Variants in LYPD6B observed in about 807,000 individuals in gnomAD.
The protein encoded by LYPD6B is LY6/PLAUR domain containing 6B.
A neutral mutation model predicts 22.8 loss-of-function variants in LYPD6B; 17 were observed. That is an observed-to-expected ratio of 0.75 (90% CI 0.51 to 1.12). The LOEUF (loss-of-function observed/expected upper bound fraction) is 1.12. Among genes scored for constraint, LYPD6B ranks in the 50% most tolerant of loss-of-function variants. The pLI, the probability that LYPD6B is intolerant of heterozygous loss-of-function variation, is 0.00. For synonymous variants in LYPD6B, 106 were observed against 91.6 expected (o/e 1.16, Z -0.90); for missense variants, 221 against 258.3 (o/e 0.86, Z 0.99).
At chr2:149,065,176 T>C (rs1684265064) in intron 1 of LYPD6B, among the ~76,000 whole-genome samples, 1 of 152,194 alleles carries the variant, frequency 6.6e-6, no homozygotes, top group African/African-American at 2.4e-5. Context: ...GATACTGAAT[T>C]CATGGACTAC....
At chr2:149,065,066 G>C (rs1684258386) in intron 1 of LYPD6B, among the ~76,000 whole-genome samples, 1 of 152,182 alleles carries the variant, frequency 6.6e-6, no homozygotes, top group Non-Finnish European at 1.5e-5. Context: ...GGGAGTAAAA[G>C]GGCAGGGACT....
At position 149,210,684 on chromosome 2, in the gene LYPD6B, A is replaced by G. The variant is rs565811519; in HGVS notation, c.328+2272A>G. Reference sequence around the variant, plus strand: ...AAGAATGACATTTCTTGTTTTATTTACCCCGGCTTTTATGCTGACTTTTTA... The same window carrying G: ...AAGAATGACATTTCTTGTTTTATTTGCCCCGGCTTTTATGCTGACTTTTTA... On this transcript the variant is annotated intron_variant, in intron 5 of 6. Transcript: ENST00000409642. Among the ~76,000 whole-genome samples, 13 of 152,170 alleles carry G rather than the reference A, an allele frequency of 8.5e-5. No individual in the cohort carries two copies. The South Asian group carries it at 2.7e-3, about 32-fold the overall frequency.
intron 3 of LYPD6B, among the ~76,000 whole-genome samples, chr2:149,202,785 T>G (rs1043696232): frequency 2.0e-5 from 3 of 152,212 alleles, no homozygotes; most frequent in Non-Finnish European, 4.4e-5. Flanking sequence ...AACTTCTTAC[T>G]TGTGATACCA....
rs115685442 is a variant in LYPD6B at position 149,055,339 on chromosome 2, T to C, written c.-67+16538T>C. Among the ~76,000 whole-genome samples the C allele has an allele frequency of 3.2e-3, 491 of 152,346 alleles. 3 individuals carry two copies. The highest frequency in any genetic ancestry group is 0.011 in the African/African-American group (465 of 41,572). ...ATTGAGAAGTATAAGTCTTCCAGCT[T>C]TTTTCTTCTTGTTCGGTGTTATTTT... On this transcript the variant is annotated intron_variant, in intron 1 of 6. Coordinates refer to ENST00000409642, the MANE Select transcript of LYPD6B (RefSeq NM_177964.5).
intron 1 of LYPD6B, among the ~76,000 whole-genome samples, chr2:149,052,771 A>G (rs1683621763): frequency 6.6e-6 from 1 of 152,208 alleles, no homozygotes; most frequent in Non-Finnish European, 1.5e-5. Flanking sequence ...TCCCTGTTTT[A>G]GTTTACCTTG....
At chr2:149,193,470 C>CT (rs1303240608) in intron 3 of LYPD6B, among the ~76,000 whole-genome samples, 3 of 151,952 alleles carry the variant, frequency 2.0e-5, no homozygotes, top group African/African-American at 2.4e-5. Context: ...TTTTTAAACA[C>CT]TTTTTTTCTC....
chr2:149,160,322 C>T (rs755367210), intron 2 of LYPD6B, among the ~76,000 whole-genome samples: 1 of 152,158 alleles, frequency 6.6e-6, no homozygotes, highest in African/African-American at 2.4e-5. Context: ...GCTGGTAGGG[C>T]TGTCTTCCAA....
chr2:149,068,527 T>C (rs967196562), intron 1 of LYPD6B: 2 of 285,272 alleles, frequency 7.0e-6, no homozygotes, highest in South Asian at 4.1e-5. Context: ...CTTTATACTT[T>C]TTATAAATAA....
At chr2:149,152,470 T>G (rs1204919780) in intron 2 of LYPD6B, among the ~76,000 whole-genome samples, 1 of 152,188 alleles carries the variant, frequency 6.6e-6, no homozygotes, top group Non-Finnish European at 1.5e-5. Flanking sequence ...GCTATGGAAT[T>G]GGACAAGTGG....
chr2:149,197,229 T>A (rs1048435940), intron 3 of LYPD6B, among the ~76,000 whole-genome samples: 2 of 152,052 alleles, frequency 1.3e-5, no homozygotes, highest in Non-Finnish European at 2.9e-5. Context: ...AAAGAAATGG[T>A]CAGGCTAGAC....
chr2:149,064,720 C>G (rs985706247), intron 1 of LYPD6B, among the ~76,000 whole-genome samples: 1 of 152,212 alleles, frequency 6.6e-6, no homozygotes, highest in Non-Finnish European at 1.5e-5. Context: ...AATGACAGCA[C>G]TGGGAATAAA....
intron 1 of LYPD6B, among the ~76,000 whole-genome samples, chr2:149,098,219 A>C (rs1459403500): frequency 1.2e-5 from 1 of 80,450 alleles, no homozygotes; most frequent in Non-Finnish European, 2.7e-5. Context: ...TCTAAGACTT[A>C]AATTTTCTTA....
chr2:149,141,238 G>C (rs996463283), intron 2 of LYPD6B, among the ~76,000 whole-genome samples: 3 of 152,196 alleles, frequency 2.0e-5, no homozygotes, highest in African/African-American at 7.2e-5. Context: ...CCATGTGACT[G>C]TCTGGGGCAG....
intron 1 of LYPD6B, among the ~76,000 whole-genome samples, chr2:149,055,422 G>T (rs190297206): frequency 4.7e-4 from 72 of 152,222 alleles, no homozygotes; most frequent in Non-Finnish European, 8.8e-4. Flanking sequence ...TACCAAAAAG[G>T]CCAGCTGGAA....
At chr2:149,153,516 C>T (rs578354) in intron 2 of LYPD6B, among the ~76,000 whole-genome samples, 55,931 of 151,834 alleles carry the variant, frequency 0.37, 11,017 homozygotes, top group African/African-American at 0.5. Context: ...GTGGCTCATG[C>T]CTGTAATCCC....
Position 149,075,378 on chromosome 2 carries a change from G to T in LYPD6B, c.-67+36577G>T, listed in dbSNP as rs538779905. Among the ~76,000 whole-genome samples the T allele has an allele frequency of 7.2e-5, 11 of 152,292 alleles. No homozygotes were observed. The South Asian group carries it at 2.3e-3, about 32-fold the overall frequency. ...ATTTAGATGGGTCTATATGTTTATG[G>T]CTGTGGTTTGACGTGGTGTTTTGCA... On this transcript the variant is annotated intron_variant, in intron 1 of 6. Coordinates refer to ENST00000409642, the MANE Select transcript of LYPD6B (RefSeq NM_177964.5).
intron 1 of LYPD6B, among the ~76,000 whole-genome samples, chr2:149,050,814 A>G (rs1413478583): frequency 6.6e-6 from 1 of 152,216 alleles, no homozygotes; most frequent in Non-Finnish European, 1.5e-5. Context: ...CTACAGTTGT[A>G]GTGATAATTT....
At chr2:149,210,396 G>A (rs1041409995) in intron 5 of LYPD6B, among the ~76,000 whole-genome samples, 3 of 152,116 alleles carry the variant, frequency 2.0e-5, no homozygotes, top group African/African-American at 7.2e-5. Context: ...GAATGGCCCT[G>A]CATTCCAGCA....
rs1019188441 is a variant in LYPD6B, at chr2:149,214,819, C to G, written c.*109C>G. The G allele has an allele frequency of 4.4e-6, 5 of 1,148,268 alleles. No homozygotes were observed. Among genetic ancestry groups the G allele is most frequent in the Non-Finnish European group, 2.6e-6 (2 of 778,078 alleles). The allele number at this position is 1,148,268 out of a possible 1,614,324, so 71.1% of individuals were successfully genotyped here. ...TCAATCTTGCACTTGGTGAAGAGTGCACATTGGACCTCAAGGCGAAAGCCA... is the reference window on the plus strand; with the variant it reads ...TCAATCTTGCACTTGGTGAAGAGTGGACATTGGACCTCAAGGCGAAAGCCA... On this transcript the variant is annotated 3_prime_UTR_variant, in exon 7 of 7. Coordinates refer to ENST00000409642, the MANE Select transcript of LYPD6B (RefSeq NM_177964.5).
Sources: allele counts gnomAD v4.1 joint callset (sites outside exome capture counted in the v4.1 genomes callset), GRCh38; gene constraint gnomAD v4.1.1; transcripts MANE v1.5; gene names NCBI Gene and HGNC (gene_info 2026-07-23, HGNC 2026-07-21).